Variants in LUZP2 observed in about 807,000 individuals in gnomAD.
LUZP2 encodes leucine zipper protein 2.
Under a neutral mutation model 51.6 loss-of-function variants are expected in LUZP2, and 52 were observed. The observed-to-expected ratio is 1.01, with a 90% CI of 0.81 to 1.27. The LOEUF is 1.27. LUZP2 is among the 50% of genes most tolerant of loss of function. LUZP2 has a pLI of 0.00. For missense variants in LUZP2, 436 were observed against 395.4 expected (o/e 1.10, Z -0.87); for synonymous variants, 154 against 137.3 (o/e 1.12, Z -0.85).
At chr11:25,016,881 A>T (rs1857175632) in intron 9 of LUZP2, among the ~76,000 whole-genome samples, 1 of 151,922 alleles carries the variant, frequency 6.6e-6, no homozygotes, top group Non-Finnish European at 1.5e-5. Flanking sequence ...ATTAATTTTC[A>T]TTCTCACCAG....
intron 1 of LUZP2, among the ~76,000 whole-genome samples, chr11:24,545,247 T>C (rs576569436): frequency 4.6e-5 from 7 of 152,196 alleles, no homozygotes; most frequent in East Asian, 3.9e-4. Context: ...ACTCTCTTGA[T>C]AGTTTCTTTT....
intron 7 of LUZP2, among the ~76,000 whole-genome samples, chr11:24,936,966 A>C (rs371497688): frequency 6.6e-6 from 1 of 152,254 alleles, no homozygotes; most frequent in East Asian, 1.9e-4. Flanking sequence ...CCTATATGGT[A>C]TATATATTAT....
intron 1 of LUZP2, among the ~76,000 whole-genome samples, chr11:24,532,091 A>G (rs557044833): frequency 6.6e-6 from 1 of 151,014 alleles, no homozygotes; most frequent in South Asian, 2.1e-4. Context: ...TTATAACCAC[A>G]TTCACTTTAA....
chr11:24,785,298 G>A (rs58555045), intron 5 of LUZP2, among the ~76,000 whole-genome samples: 2,047 of 151,980 alleles, frequency 0.013, 52 homozygotes, highest in African/African-American at 0.047. Context: ...TTCTTCAGAG[G>A]AAAAAGGAGA....
rs117089234 is a variant in LUZP2, at chr11:24,820,946, C to G, written c.396+57638C>G. The stretch of plus-strand genomic sequence containing the variant: ...CAGTGGATGATCTGAGCTTGGGCAA[C>G]ATATATGAACAGTCAGAATCATGTT... On this transcript the variant is annotated intron_variant, in intron 5 of 11. Transcript: ENST00000336930. 3.9e-5 allele frequency among the ~76,000 whole-genome samples: 6 copies of G among 152,188 alleles called. No homozygotes were observed. In the East Asian group the frequency reaches 1.2e-3, roughly 29 times the overall value.
intron 7 of LUZP2, among the ~76,000 whole-genome samples, chr11:24,935,695 A>C (rs1193316069): frequency 6.6e-6 from 1 of 152,186 alleles, no homozygotes; most frequent in Admixed American, 6.5e-5. Flanking sequence ...TTAGTGAAAA[A>C]ATAGTAATTC....
Position 24,929,299 on chromosome 11 carries a change from G to A in LUZP2, c.522+14761G>A, listed in dbSNP as rs536791216. Among the ~76,000 whole-genome samples the A allele has an allele frequency of 2.0e-5, 3 of 152,104 alleles. No individual in the cohort carries two copies. The East Asian group carries it at 5.8e-4, about 29-fold the overall frequency. On this transcript the variant is annotated intron_variant, in intron 7 of 11. Transcript: ENST00000336930. ...GTTCTTGTTTCTCTAGTTCCTTGAGGTGTGACCTTAGATTGTCTATTTGTG... is the reference window on the plus strand; with the variant it reads ...GTTCTTGTTTCTCTAGTTCCTTGAGATGTGACCTTAGATTGTCTATTTGTG...
chr11:24,738,651 T>G (rs942945872), intron 4 of LUZP2, among the ~76,000 whole-genome samples: 2 of 151,996 alleles, frequency 1.3e-5, no homozygotes, highest in Non-Finnish European at 2.9e-5. Context: ...GATAGTTAAG[T>G]CGCACCCCAC....
chr11:24,696,285 T>G (rs1326539927), intron 1 of LUZP2, among the ~76,000 whole-genome samples: 1 of 152,114 alleles, frequency 6.6e-6, no homozygotes, highest in East Asian at 1.9e-4. Flanking sequence ...CTGACAAGGA[T>G]GTGTCTCTGA....
chr11:24,771,518 A>T (rs1325720903), intron 5 of LUZP2, among the ~76,000 whole-genome samples: 1 of 151,004 alleles, frequency 6.6e-6, no homozygotes, highest in Non-Finnish European at 1.5e-5. Flanking sequence ...CACAAAGACA[A>T]CACAGGGCCA....
chr11:24,903,241 A>G (rs546331653), intron 5 of LUZP2, among the ~76,000 whole-genome samples: 1 of 152,338 alleles, frequency 6.6e-6, no homozygotes, highest in East Asian at 1.9e-4. Context: ...TTTTAAAAAA[A>G]GAACCCTAAT....
intron 5 of LUZP2, among the ~76,000 whole-genome samples, chr11:24,899,403 A>G (rs1338487827): frequency 6.6e-6 from 1 of 151,970 alleles, no homozygotes; most frequent in Non-Finnish European, 1.5e-5. Context: ...ACTAGACTCT[A>G]GAAAAACAAG....
chr11:25,031,879 T>A (rs1026259248), intron 9 of LUZP2, among the ~76,000 whole-genome samples: 6 of 152,158 alleles, frequency 3.9e-5, no homozygotes, highest in Admixed American at 3.9e-4. Context: ...TTTACAAATA[T>A]ATGGTGGATT....
chr11:24,619,802 T>A (rs993584681), intron 1 of LUZP2, among the ~76,000 whole-genome samples: 11 of 152,138 alleles, frequency 7.2e-5, no homozygotes, highest in African/African-American at 2.7e-4. Flanking sequence ...GTTTAGGGAA[T>A]AATAATAAGA....
At chr11:25,056,043 TTTAA>T (rs759048069) in intron 10 of LUZP2, among the ~76,000 whole-genome samples, 2 of 152,166 alleles carry the variant, frequency 1.3e-5, no homozygotes, top group African/African-American at 4.8e-5. Flanking sequence ...AATTATATAC[TTTAA>T]TTAATTTATC....
intron 1 of LUZP2, among the ~76,000 whole-genome samples, chr11:24,560,471 A>T (rs1852004257): frequency 6.6e-6 from 1 of 152,152 alleles, no homozygotes; most frequent in African/African-American, 2.4e-5. Flanking sequence ...TGACAAGGTG[A>T]GCTTTACATT....
At chr11:24,777,766 A>G (rs1848979625) in intron 5 of LUZP2, among the ~76,000 whole-genome samples, 1 of 152,110 alleles carries the variant, frequency 6.6e-6, no homozygotes, top group Non-Finnish European at 1.5e-5. Flanking sequence ...TACATAATTC[A>G]TTGATTTACT....
chr11:25,041,930 G>T (rs1295210582), intron 9 of LUZP2, among the ~76,000 whole-genome samples: 1 of 152,132 alleles, frequency 6.6e-6, no homozygotes, highest in African/African-American at 2.4e-5. Context: ...GTGTGCGAGG[G>T]ATCTGGGTTA....
chr11:24,961,931 A>G (rs1281012022), intron 7 of LUZP2, among the ~76,000 whole-genome samples: 4 of 151,468 alleles, frequency 2.6e-5, no homozygotes, highest in African/African-American at 9.7e-5. Context: ...GGGCTGTTTT[A>G]GGGCAGGCCT....
Sources: allele counts gnomAD v4.1 joint callset (sites outside exome capture counted in the v4.1 genomes callset), GRCh38; gene constraint gnomAD v4.1.1; transcripts MANE v1.5; gene names NCBI Gene and HGNC (gene_info 2026-07-23, HGNC 2026-07-21).